Variants in RPSA2 observed in about 807,000 individuals in gnomAD.
RPSA2 encodes ribosomal protein SA 2, also known as small ribosomal subunit protein uS2B.
At chr19:23,760,662 TATATA>T in the RPSA2 span, among the ~76,000 whole-genome samples, 1 of 80,916 alleles carries the variant, frequency 1.2e-5, no homozygotes, top group Non-Finnish European at 3.2e-5. Flanking sequence ...TATATATATA[TATATA>T]TATTTTTTTT....
chr19:23,866,944 G>A, the RPSA2 span, among the ~76,000 whole-genome samples: 1 of 152,156 alleles, frequency 6.6e-6, no homozygotes, highest in Admixed American at 6.5e-5. Flanking sequence ...TGGTTAAGGA[G>A]AAATTCAAAT....
the RPSA2 span, among the ~76,000 whole-genome samples, chr19:23,789,934 T>A: frequency 1.3e-5 from 2 of 152,092 alleles, no homozygotes; most frequent in African/African-American, 4.8e-5. Flanking sequence ...GGCCTCAGGC[T>A]TGGAAAGTGC....
At chr19:23,853,469 G>A in the RPSA2 span, among the ~76,000 whole-genome samples, 2 of 152,208 alleles carry the variant, frequency 1.3e-5, no homozygotes. Context: ...TTTTTCTTTA[G>A]AGAGCAGCCA....
chr19:23,796,324 G>A, the RPSA2 span, among the ~76,000 whole-genome samples: 1 of 151,906 alleles, frequency 6.6e-6, no homozygotes, highest in South Asian at 2.1e-4. Flanking sequence ...AATTCTACTT[G>A]ATCATCGTGG....
the RPSA2 span, among the ~76,000 whole-genome samples, chr19:23,824,827 A>ATT: frequency 0.97 from 145,866 of 150,236 alleles, 70,927 homozygotes; most frequent in East Asian, 1. Context: ...TTGGTTAGAA[A>ATT]TTTTTTTTTA....
At chr19:23,835,927 C>A in the RPSA2 span, among the ~76,000 whole-genome samples, 2 of 152,176 alleles carry the variant, frequency 1.3e-5, no homozygotes, top group African/African-American at 2.4e-5. Context: ...AGCCACTGCA[C>A]CCAGCCTGTG....
At chr19:23,854,112 C>A in the RPSA2 span, among the ~76,000 whole-genome samples, 1 of 151,524 alleles carries the variant, frequency 6.6e-6, no homozygotes, top group African/African-American at 2.4e-5. Flanking sequence ...AGTAATTGAG[C>A]AACTGACTCA....
the RPSA2 span, among the ~76,000 whole-genome samples, chr19:23,787,965 A>G: frequency 6.6e-6 from 1 of 152,196 alleles, no homozygotes; most frequent in South Asian, 2.1e-4. Context: ...ATTGCAATAT[A>G]TCTTTGGGCC....
At chr19:23,788,059 A>G in the RPSA2 span, among the ~76,000 whole-genome samples, 1 of 152,204 alleles carries the variant, frequency 6.6e-6, no homozygotes, top group Admixed American at 6.5e-5. Context: ...CTCCTGCCCA[A>G]GTGGTCATTT....
the RPSA2 span, among the ~76,000 whole-genome samples, chr19:23,849,279 C>T: frequency 4.6e-5 from 7 of 152,158 alleles, no homozygotes; most frequent in East Asian, 7.7e-4. Context: ...TGGCAATGCC[C>T]GATGTTCTCC....
At chr19:23,816,309 T>A in the RPSA2 span, among the ~76,000 whole-genome samples, 5 of 152,112 alleles carry the variant, frequency 3.3e-5, no homozygotes, top group Non-Finnish European at 5.9e-5. Flanking sequence ...GTTTTTTGTG[T>A]ATTTTTGGTT....
At chr19:23,776,442 C>G in the RPSA2 span, among the ~76,000 whole-genome samples, 3 of 152,210 alleles carry the variant, frequency 2.0e-5, no homozygotes, top group African/African-American at 4.8e-5. Context: ...TGCCCTCCCC[C>G]CTAGTTTATG....
At chr19:23,805,023 T>TTAAGGACAGGACAGTGTGGCTTACG in the RPSA2 span, among the ~76,000 whole-genome samples, 1 of 150,126 alleles carries the variant, frequency 6.7e-6, no homozygotes, top group Admixed American at 6.7e-5. Flanking sequence ...TTTGGGTTTG[T>TTAAGGACAGGACAGTGTGGCTTACG]TAAGGACAGG....
At chr19:23,833,229 G>A in the RPSA2 span, 3 of 1,050,760 alleles carry the variant, frequency 2.9e-6, no homozygotes, top group Non-Finnish European at 1.1e-6. Flanking sequence ...CCTACAAATG[G>A]GAAAAATTTG....
At chr19:23,780,763 G>A in the RPSA2 span, among the ~76,000 whole-genome samples, 3 of 152,212 alleles carry the variant, frequency 2.0e-5, no homozygotes, top group Non-Finnish European at 2.9e-5. Context: ...AGAGCAGGTT[G>A]CAACTCTCAT....
At chr19:23,783,041 G>C in the RPSA2 span, among the ~76,000 whole-genome samples, 148,636 of 151,958 alleles carry the variant, frequency 0.98, 72,784 homozygotes, top group Middle Eastern at 1. Flanking sequence ...CACCTACATG[G>C]TGTTACTCTC....
At chr19:23,844,708 A>ATAATG in the RPSA2 span, among the ~76,000 whole-genome samples, 1 of 89,906 alleles carries the variant, frequency 1.1e-5, no homozygotes, top group East Asian at 4.4e-4. Flanking sequence ...TTTTTATAAT[A>ATAATG]TAATAATAAT....
the RPSA2 span, among the ~76,000 whole-genome samples, chr19:23,802,954 C>G: frequency 9.2e-5 from 14 of 152,210 alleles, no homozygotes; most frequent in East Asian, 2.3e-3. Flanking sequence ...TTTTAGCTTG[C>G]TAAGAACACT....
the RPSA2 span, among the ~76,000 whole-genome samples, chr19:23,826,336 G>A: frequency 5.3e-5 from 8 of 151,966 alleles, no homozygotes; most frequent in African/African-American, 1.9e-4. Context: ...GGAATTACAG[G>A]TGCCCATCAC....
Sources: allele counts gnomAD v4.1 joint callset (sites outside exome capture counted in the v4.1 genomes callset), GRCh38; gene constraint gnomAD v4.1.1; transcripts MANE v1.5; gene names NCBI Gene and HGNC (gene_info 2026-07-23, HGNC 2026-07-21).